Variants in TSC1 observed in about 807,000 individuals in gnomAD.
The protein encoded by TSC1 is TSC complex subunit 1, also known as hamartin.
Under a neutral mutation model 124.3 loss-of-function variants are expected in TSC1, and 20 were observed. The ratio of observed to expected loss-of-function variants is 0.16; its 90% CI spans 0.11 to 0.23. The LOEUF (loss-of-function observed/expected upper bound fraction) is 0.23. TSC1 is among the 10% of genes least tolerant of loss of function. TSC1 has a pLI of 1.00. For missense variants in TSC1, 1,124 were observed against 1,448.5 expected, an observed-to-expected ratio of 0.78 and a Z score of 3.64; for synonymous variants, 493 against 539.1, an observed-to-expected ratio of 0.91 and a Z score of 1.19.
Position 132,921,755 on chromosome 9 carries a change from G to A in TSC1, c.663+64C>T. ...TCCCTGTCTGCCGTTAAATACAAAA[G>A]GTATAAATGCAGCCTATCTAAACAG... On this transcript the variant is annotated intron_variant, in intron 7 of 22. Transcript: ENST00000298552. The surrounding 1 kb of genome is among the most constrained non-coding windows in gnomAD (Gnocchi z 4.3). The A allele has an allele frequency of 6.3e-7, 1 of 1,595,012 alleles. No homozygotes were observed. Among genetic ancestry groups the A allele is most frequent in the Non-Finnish European group, 8.6e-7 (1 of 1,164,108 alleles).
At chr9:132,940,779 C>CA (rs1404657502) in intron 1 of TSC1, 1 of 152,166 alleles carries the variant, frequency 6.6e-6, no homozygotes, top group Non-Finnish European at 1.5e-5. Context: ...TACTACTTCA[C>CA]AAAAATGGAT....
chr9:132,905,583 G>T lies in TSC1; in HGVS notation c.1995C>A (p.Asn665Lys), dbSNP rs748733167. The T allele has an allele frequency of 1.2e-6, 2 of 1,614,002 alleles. No individual in the cohort carries two copies. Among genetic ancestry groups the T allele is most frequent in the South Asian group, 2.2e-5 (2 of 91,070 alleles). ...AAGAGAGTGCCCCAGTCCCTTACTT[G>T]TTCAGCTCCTTGCTGTGCGCGTCTG... ...QGADAHSKEL[N>K]KLPLPSKSVD... The change falls in exon 15 of 23, where the codon AAC becomes AAA. Residue 665 changes from asparagine (N) to lysine (K), a missense_variant and splice_region_variant. Transcript: ENST00000298552.
rs753091213 is a variant in TSC1, at chr9:132,911,477, T to C, written c.1005A>G (p.Thr335=). ...QLPQTLSSPS[T]RLITEPPQAT... ...CTTGTGGTGGTTCAGTTATCAGCCG[T>C]GTCGATGGGGAACTCAGAGTCTGAG... is the stretch of plus-strand genomic sequence containing the variant. Residue 335 remains threonine (T), a synonymous_variant, in exon 10 of 23, where the codon ACA becomes ACG. Transcript: ENST00000298552. 1 of 1,613,472 alleles carries C rather than the reference T, an allele frequency of 6.2e-7. No individual in the cohort carries two copies. The highest frequency in any genetic ancestry group is 1.3e-5 in the African/African-American group (1 of 74,922).
intron 8 of TSC1, among the ~76,000 whole-genome samples, chr9:132,914,114 G>A (rs1232765365): frequency 6.6e-6 from 1 of 151,744 alleles, no homozygotes; most frequent in Non-Finnish European, 1.5e-5. Context: ...TTGCCAGGCT[G>A]GTCTTGAACT....
Position 132,906,449 on chromosome 9 carries a change from T to C in TSC1, c.1438+282A>G, listed in dbSNP as rs1588311954. ...CTGTGGTCCCAGCTACTCAGGAGGC[T>C]GAGGTGGGCGGATTGCTTGAGCCTG... is the stretch of plus-strand genomic sequence containing the variant. On this transcript the variant is annotated intron_variant, in intron 14 of 22. Transcript: ENST00000298552. The surrounding 1 kb of genome is among the most constrained non-coding windows in gnomAD (Gnocchi z 4.1). 3 of 526,854 alleles carry C rather than the reference T, an allele frequency of 5.7e-6. No individual in the cohort carries two copies. Among genetic ancestry groups the C allele is most frequent in the Non-Finnish European group, 1.0e-5 (3 of 295,130 alleles). 32.6% of individuals were successfully genotyped at this position (526,854 alleles called of 1,614,324 possible).
At chr9:132,904,343 G>A (rs1845536049) in intron 16 of TSC1, 68 bp downstream of exon 16, 1 of 1,574,996 alleles carries the variant, frequency 6.3e-7, no homozygotes, top group African/African-American at 1.3e-5. Flanking sequence ...CCTCCTTCAA[G>A]GACAGAAAGG....
chr9:132,912,423 C>T lies in TSC1; in HGVS notation c.772G>A (p.Glu258Lys), dbSNP rs118203450. 6 of 1,614,128 alleles carry T rather than the reference C, an allele frequency of 3.7e-6. No individual in the cohort carries two copies. Among genetic ancestry groups the T allele is most frequent in the East Asian group, 4.5e-5 (2 of 44,878 alleles). ...KRLETHDVVIECAKISLDPTE... is the reference protein window; with the variant it reads ...KRLETHDVVIKCAKISLDPTE... Reference sequence around the variant, plus strand: ...GGATCCAGAGAGATTTTGGCACACTCGATCACAACATCATGAGTTTCTAAT... The same window carrying T: ...GGATCCAGAGAGATTTTGGCACACTTGATCACAACATCATGAGTTTCTAAT... The change falls in exon 9 of 23, where the codon GAG becomes AAG. Residue 258 changes from glutamate to lysine, a missense_variant. Glu to Lys is a moderately conservative substitution (Grantham distance 56). Transcript: ENST00000298552.
chr9:132,908,607 A>C (rs113345331), intron 12 of TSC1, among the ~76,000 whole-genome samples: 2,208 of 140,376 alleles, frequency 0.016, 35 homozygotes, highest in Middle Eastern at 0.031. Context: ...ACATCACCAC[A>C]CCTGGCTTTT....
At chr9:132,917,102 CA>C in intron 8 of TSC1, among the ~76,000 whole-genome samples, 1 of 152,276 alleles carries the variant, frequency 6.6e-6, no homozygotes, top group African/African-American at 2.4e-5. Context: ...AAGCTAACAG[CA>C]TTCTGATTTC....
chr9:132,923,299 G>A lies in TSC1; in HGVS notation c.508+49C>T, dbSNP rs772359434. 1.9e-6 allele frequency: 3 copies of A among 1,605,528 alleles called. No individual in the cohort carries two copies. Among genetic ancestry groups the A allele is most frequent in the South Asian group, 2.2e-5 (2 of 90,322 alleles). ...AGCATATGAGCAATTAATCAATAAT[G>A]AAAGCATTCACCTCACAGGGCCCAA... On this transcript the variant is annotated intron_variant, in intron 6 of 22. Coordinates refer to ENST00000298552, the MANE Select transcript of TSC1 (RefSeq NM_000368.5). The surrounding 1 kb of genome is among the most constrained non-coding windows in gnomAD (Gnocchi z 4.2).
chr9:132,915,373 A>C (rs1283719632), intron 8 of TSC1, among the ~76,000 whole-genome samples: 4 of 152,216 alleles, frequency 2.6e-5, no homozygotes, highest in African/African-American at 9.7e-5. Context: ...TATAATCTTA[A>C]AAGAAAAAAA....
Position 132,912,314 on chromosome 9 carries a change from G to T in TSC1, c.881C>A (p.Thr294Asn), listed in dbSNP as rs878853969. 3 of 1,614,198 alleles carry T rather than the reference G, an allele frequency of 1.9e-6. No individual in the cohort carries two copies. The highest frequency in any genetic ancestry group is 2.5e-6 in the Non-Finnish European group (3 of 1,180,040). Residue 294 changes from threonine (T) to asparagine (N), a missense_variant, in exon 9 of 23, where the codon ACC becomes AAC. By Grantham distance (65) the Thr-to-Asn change is moderately conservative. Coordinates refer to ENST00000298552, the MANE Select transcript of TSC1 (RefSeq NM_000368.5). ...RFPHRSADVT[T>N]SPYADTQNSY... ...ATTCTGTGTGTCAGCATAAGGGCTG[G>T]TGGTGACATCGGCTGAACGATGAGG...
chr9:132,904,398 G>A lies in TSC1; in HGVS notation c.2041+13C>T, dbSNP rs1288259134. On this transcript the variant is annotated intron_variant, in intron 16 of 22. Coordinates refer to ENST00000298552, the MANE Select transcript of TSC1 (RefSeq NM_000368.5). ...CATGTGGGCTGGATTTGGAGCTAAAGTAACAACTTTACCTCCAAAGTGGGT... is the reference window on the plus strand; with the variant it reads ...CATGTGGGCTGGATTTGGAGCTAAAATAACAACTTTACCTCCAAAGTGGGT... The A allele has an allele frequency of 6.2e-7, 1 of 1,613,846 alleles. No individual in the cohort carries two copies. The highest frequency in any genetic ancestry group is 8.5e-7 in the Non-Finnish European group (1 of 1,179,914).
intron 2 of TSC1, among the ~76,000 whole-genome samples, chr9:132,929,172 A>C (rs1369179356): frequency 6.6e-6 from 1 of 152,248 alleles, no homozygotes; most frequent in African/African-American, 2.4e-5. Flanking sequence ...AAAATATAAC[A>C]ATCAGAAAGA....
chr9:132,935,303 T>C (rs1847400631), intron 1 of TSC1, among the ~76,000 whole-genome samples: 1 of 152,256 alleles, frequency 6.6e-6, no homozygotes, highest in South Asian at 2.1e-4. Flanking sequence ...AAATTCTTTA[T>C]ATTGTGCTGA....
intron 20 of TSC1, among the ~76,000 whole-genome samples, chr9:132,898,000 C>T (rs1051868411): frequency 2.0e-5 from 3 of 152,206 alleles, no homozygotes; most frequent in African/African-American, 7.2e-5. Context: ...AAAAAGCAGA[C>T]TACAAGACTG....
chr9:132,894,727 T>C lies in TSC1; in HGVS notation c.*1508A>G, dbSNP rs552190342. The C allele has an allele frequency of 1.5e-4, 31 of 207,814 alleles. No individual in the cohort carries two copies. In the South Asian group the frequency reaches 4.0e-3, roughly 27 times the overall value. 12.9% of individuals were successfully genotyped at this position (207,814 alleles called of 1,614,324 possible). On this transcript the variant is annotated 3_prime_UTR_variant, in exon 23 of 23. Transcript: ENST00000298552. ...AAAAAAAAAAAAAAGACTTTCATTC[T>C]CTCTGCTCGAGGCCTCCGTGGGCAC...
At position 132,928,969 on chromosome 9, in the gene TSC1, T is replaced by C; in HGVS notation, c.-80-17A>G. ...ACTACCAAACTGAGAAAAAGGAAGA[T>C]GAACAGTCACTAAATGGCCCCATTT... is the stretch of plus-strand genomic sequence containing the variant. On this transcript the variant is annotated splice_polypyrimidine_tract_variant and intron_variant, in intron 2 of 22. Transcript: ENST00000298552. 6.3e-7 allele frequency: 1 copy of C among 1,576,344 alleles called. No homozygotes were observed. Among genetic ancestry groups the C allele is most frequent in the Non-Finnish European group, 8.6e-7 (1 of 1,162,356 alleles).
chr9:132,928,696 G>T, intron 3 of TSC1, 71 bp downstream of exon 3: 1 of 1,590,972 alleles, frequency 6.3e-7, no homozygotes, highest in South Asian at 1.1e-5. Flanking sequence ...TGTATCAGCA[G>T]GATTCTAGTG....
Sources: gnomAD v4.1 joint callset for allele counts (sites outside exome capture counted in the v4.1 genomes callset) on GRCh38, gnomAD v4.1.1 for gene constraint, Gnocchi (gnomAD v3.1) non-coding constraint, MANE v1.5 for transcripts, NCBI Gene and HGNC (gene_info 2026-07-23, HGNC 2026-07-21) for gene names.